The following BAIAP2 variants were observed in gnomAD, a reference collection of about 807,000 sequenced individuals.
BAIAP2 encodes the protein BAR/IMD domain containing adaptor protein 2, also known as BAR/IMD domain-containing adapter protein 2.
In BAIAP2, 18 loss-of-function variants were observed where a neutral mutation model predicts 63.0. That is an observed-to-expected ratio of 0.29 (90% CI 0.20 to 0.42). The LOEUF is 0.42. BAIAP2 is among the 10% of genes least tolerant of loss of function. The pLI, the probability that BAIAP2 is intolerant of heterozygous loss-of-function variation, is 1.00. For synonymous variants in BAIAP2, 386 were observed against 307.6 expected, an observed-to-expected ratio of 1.25 and a Z score of -2.67; for missense variants, 610 against 734.3, an observed-to-expected ratio of 0.83 and a Z score of 1.96.
intron 3 of BAIAP2, among the ~76,000 whole-genome samples, chr17:81,071,892 C>T (rs1049456666): frequency 9.9e-5 from 15 of 152,224 alleles, no homozygotes; most frequent in South Asian, 2.1e-4. Context: ...GGCACGGAGG[C>T]GCCGGAGCAT....
At chr17:81,043,554 G>A (rs73364019) in intron 1 of BAIAP2, among the ~76,000 whole-genome samples, 5,666 of 152,316 alleles carry the variant, frequency 0.037, 369 homozygotes, top group African/African-American at 0.13. Context: ...TCTGGGGACG[G>A]CTGGGCCCAC....
At chr17:81,098,142 C>A in intron 6 of BAIAP2, 1 of 1,460,268 alleles carries the variant, frequency 6.8e-7, no homozygotes, top group Non-Finnish European at 9.1e-7. Context: ...GGGACAGAGG[C>A]AGAGAGCCCT....
At chr17:81,050,258 TTGCCTTCGGGCCAGG>T (rs1347602534) in intron 1 of BAIAP2, among the ~76,000 whole-genome samples, 2 of 152,192 alleles carry the variant, frequency 1.3e-5, no homozygotes, top group Non-Finnish European at 2.9e-5. Flanking sequence ...GCCTCTGCCA[TTGCCTTCGGGCCAGG>T]ACAGCAGCAC....
intron 1 of BAIAP2, among the ~76,000 whole-genome samples, chr17:81,042,321 T>A (rs2047197257): frequency 6.6e-6 from 1 of 150,898 alleles, no homozygotes; most frequent in African/African-American, 2.4e-5. Flanking sequence ...AATTTTTTTT[T>A]TTATTTTAAT....
intron 6 of BAIAP2, chr17:81,098,029 G>A (rs2145737594): frequency 9.4e-7 from 1 of 1,069,200 alleles, no homozygotes; most frequent in African/African-American, 1.6e-5. Flanking sequence ...GTGCCATAGG[G>A]CTGTGGTGTC....
At chr17:81,103,793 C>T in intron 8 of BAIAP2, 70 bp downstream of exon 8, 1 of 1,576,060 alleles carries the variant, frequency 6.3e-7, no homozygotes, top group South Asian at 1.1e-5. Flanking sequence ...GGGCGGGGGG[C>T]CGCCAGGGTG....
At chr17:81,106,438 TCCAGGTTCTC>T (rs1368624546) in intron 11 of BAIAP2, among the ~76,000 whole-genome samples, 55 of 152,170 alleles carry the variant, frequency 3.6e-4, no homozygotes, top group Admixed American at 3.6e-3. Context: ...TCCCAGGTCC[TCCAGGTTCTC>T]CCAGCCTTCA....
intron 10 of BAIAP2, 182 bp from the exon 11 acceptor site, chr17:81,105,896 G>A (rs2145969861): frequency 3.4e-6 from 2 of 579,768 alleles, no homozygotes. Flanking sequence ...TTGCCCTTGA[G>A]GCTGAGCACA....
intron 3 of BAIAP2, among the ~76,000 whole-genome samples, chr17:81,081,272 C>G (rs528904660): frequency 1.2e-4 from 18 of 152,332 alleles, no homozygotes; most frequent in African/African-American, 4.3e-4. Context: ...CCGAGAAGCA[C>G]GAGGAGCCCT....
intron 3 of BAIAP2, among the ~76,000 whole-genome samples, chr17:81,084,536 C>T (rs1486970043): frequency 6.6e-6 from 1 of 152,160 alleles, no homozygotes; most frequent in Non-Finnish European, 1.5e-5. Flanking sequence ...ACTGTCACGC[C>T]TGGGGTGAAG....
At chr17:81,067,454 C>T (rs2051701394) in intron 3 of BAIAP2, among the ~76,000 whole-genome samples, 2 of 152,242 alleles carry the variant, frequency 1.3e-5, no homozygotes, top group African/African-American at 2.4e-5. Context: ...GATGGCCCAG[C>T]CCTGCCCGCC....
In BAIAP2 at chr17:81,046,631, C is replaced by T. The variant is rs975393071; in HGVS notation, c.55-7037C>T. 7.9e-5 allele frequency among the ~76,000 whole-genome samples: 12 copies of T among 152,172 alleles called. No individual in the cohort carries two copies. Among genetic ancestry groups the T allele is most frequent in the Non-Finnish European group, 1.3e-4 (9 of 68,018 alleles). On this transcript the variant is annotated intron_variant, in intron 1 of 13. Transcript: ENST00000428708. This position sits in a 1 kb window ranked among gnomAD's most constrained non-coding sequence, Gnocchi z 4.5. ...CACAGAAGTCCCCCAACCCCCCTGG[C>T]AGCCAAGGGAACTGAGCCTGTGGCC...
intron 1 of BAIAP2, among the ~76,000 whole-genome samples, chr17:81,042,515 G>A (rs1236734125): frequency 6.6e-6 from 1 of 151,954 alleles, no homozygotes; most frequent in Non-Finnish European, 1.5e-5. Flanking sequence ...TCTTCGGATG[G>A]TCCTTATGTG....
chr17:81,098,303 T>A (rs1434233969), intron 6 of BAIAP2: 3 of 782,890 alleles, frequency 3.8e-6, no homozygotes. Flanking sequence ...CTCAGCTTCT[T>A]CGCCACTCTC....
In BAIAP2 at chr17:81,084,818, G is replaced by C. The variant is rs1385401171; in HGVS notation, c.218-14G>C. 3 of 1,613,292 alleles carry C rather than the reference G, an allele frequency of 1.9e-6. No homozygotes were observed. The highest frequency in any genetic ancestry group is 2.2e-5 in the East Asian group (1 of 44,876). ...CTGACTCCCTCCCCTTCCTTCTGCT[G>C]TTCTGCTTCCCAGGAGACGTTCTCT... is the stretch of plus-strand genomic sequence containing the variant. On this transcript the variant is annotated splice_polypyrimidine_tract_variant and intron_variant, in intron 3 of 13. Transcript: ENST00000428708.
At chr17:81,050,223 A>G (rs1026936067) in intron 1 of BAIAP2, among the ~76,000 whole-genome samples, 1 of 152,210 alleles carries the variant, frequency 6.6e-6, no homozygotes, top group African/African-American at 2.4e-5. Context: ...GTCCCCCCTT[A>G]CAATGTTGGC....
At chr17:81,109,196 C>G in intron 13 of BAIAP2, 1 of 1,406,964 alleles carries the variant, frequency 7.1e-7, no homozygotes. Context: ...CCCCCCCTCC[C>G]CTGTGTTTAC....
chr17:81,090,682 C>G (rs956533053), intron 6 of BAIAP2, among the ~76,000 whole-genome samples: 5 of 152,364 alleles, frequency 3.3e-5, no homozygotes, highest in African/African-American at 1.2e-4. Flanking sequence ...ATCCCCAGCC[C>G]CACATCGGAG....
In BAIAP2 at chr17:81,035,188, T is replaced by TTACCGCCGCTGC. The variant is rs1423832783; in HGVS notation, c.-65_-54dup. The TTACCGCCGCTGC allele has an allele frequency of 1.2e-4, 166 of 1,338,480 alleles. 1 individual carries two copies. The Admixed American group carries it at 2.3e-3, about 18-fold the overall frequency. 82.9% of individuals were successfully genotyped at this position (1,338,480 alleles called of 1,614,324 possible). A position where few individuals can be genotyped will look rare whatever the true frequency, so the allele number is the denominator to read the frequency against. The stretch of plus-strand genomic sequence containing the variant: ...CGCTTTCGTCTCCGTCCTGCTGCCG[T>TTACCGCCGCTGC]TACCGCCGCTGCTGCCGCCGCTTGC... On this transcript the variant is annotated 5_prime_UTR_variant, in exon 1 of 14. Transcript: ENST00000428708.
Sources: allele counts gnomAD v4.1 joint callset (sites outside exome capture counted in the v4.1 genomes callset), GRCh38; gene constraint gnomAD v4.1.1; non-coding constraint Gnocchi (gnomAD v3.1); transcripts MANE v1.5; gene names NCBI Gene and HGNC (gene_info 2026-07-23, HGNC 2026-07-21).